Variants in TSHZ3 observed in about 807,000 individuals in gnomAD.
TSHZ3 encodes teashirt homolog 3.
In TSHZ3, 10 loss-of-function variants were observed where a neutral mutation model predicts 64.5. That is an observed-to-expected ratio of 0.16 (90% CI 0.10 to 0.26). The LOEUF is 0.26. Ranked by LOEUF, TSHZ3 falls within the 10% of genes least tolerant of loss-of-function variation. The probability of loss-of-function intolerance (pLI) is 1.00; values close to 1 mark genes in which losing one functional copy is unlikely to be tolerated. For missense variants in TSHZ3, 1,242 were observed against 1,421.7 expected (o/e 0.87, Z 2.03); for synonymous variants, 608 against 593.1 (o/e 1.03, Z -0.36).
chr19:31,314,334 G>A (rs1171375723), intron 1 of TSHZ3, among the ~76,000 whole-genome samples: 1 of 152,202 alleles, frequency 6.6e-6, no homozygotes. Context: ...CGGCAGGGAG[G>A]CATGGTCGGC....
At chr19:31,309,900 C>A (rs2145152704) in intron 1 of TSHZ3, among the ~76,000 whole-genome samples, 1 of 152,204 alleles carries the variant, frequency 6.6e-6, no homozygotes, top group African/African-American at 2.4e-5. Context: ...ATCTGAGTCT[C>A]ATCCTCCACA....
chr19:31,243,012 T>A (rs575389712), intron 1 of TSHZ3, among the ~76,000 whole-genome samples: 3 of 152,266 alleles, frequency 2.0e-5, no homozygotes, highest in African/African-American at 7.2e-5. Flanking sequence ...TCCAATCTCC[T>A]CCAGAAATAC....
intron 1 of TSHZ3, among the ~76,000 whole-genome samples, chr19:31,322,817 C>T (rs1054749063): frequency 2.0e-5 from 3 of 152,250 alleles, no homozygotes; most frequent in East Asian, 3.9e-4. Flanking sequence ...AGTGACAGAA[C>T]GAATGAATGA....
Position 31,279,379 on chromosome 19 carries a change from C to CAGGTTG in TSHZ3, c.408_413dup (p.Asn137_Leu138dup). On this transcript the variant is annotated inframe_insertion, in exon 2 of 2. Coordinates refer to ENST00000240587, the MANE Select transcript of TSHZ3 (RefSeq NM_020856.4). This position sits in a 1 kb window ranked among gnomAD's most constrained non-coding sequence, Gnocchi z 6.4. ...TGTTCTTCTCCGAGGAGGGCTGGTG[C>CAGGTTG]AGGTTGAGGTTGAGGTTGGACCAGT... is the stretch of plus-strand genomic sequence containing the variant. 6.2e-7 allele frequency: 1 copy of CAGGTTG among 1,614,142 alleles called. No individual in the cohort carries two copies.
intron 4 of TSHZ3, among the ~76,000 whole-genome samples, chr19:31,214,243 GGT>G (rs910792037): frequency 2.0e-5 from 3 of 152,180 alleles, no homozygotes; most frequent in Admixed American, 1.3e-4. Flanking sequence ...ACAGGAACTG[GGT>G]CCCAGCCGCA....
At chr19:31,165,346 A>AT (rs1295238829) in intron 5 of TSHZ3, among the ~76,000 whole-genome samples, 4 of 152,184 alleles carry the variant, frequency 2.6e-5, no homozygotes, top group East Asian at 1.9e-4. Context: ...GGTGTGTAGG[A>AT]TTTTTTCCCC....
intron 1 of TSHZ3, among the ~76,000 whole-genome samples, chr19:31,337,720 A>ACAC: frequency 6.9e-6 from 1 of 145,978 alleles, no homozygotes; most frequent in African/African-American, 2.5e-5. Flanking sequence ...TTTCAAAATA[A>ACAC]ACACACACAC....
At chr19:31,152,023 A>G (rs1213549970) in intron 6 of TSHZ3, among the ~76,000 whole-genome samples, 1 of 152,188 alleles carries the variant, frequency 6.6e-6, no homozygotes, top group East Asian at 1.9e-4. Flanking sequence ...CTGTGCATAC[A>G]ATTATCACTT....
At chr19:31,150,425 C>T (rs189252622) in exon 7 of TSHZ3, among the ~76,000 whole-genome samples, 40 of 152,334 alleles carry the variant, frequency 2.6e-4, no homozygotes, top group Admixed American at 1.8e-3. Context: ...ACAACCAGTG[C>T]ATCAAGAAGA....
intron 1 of TSHZ3, among the ~76,000 whole-genome samples, chr19:31,295,740 C>T (rs757533475): frequency 6.6e-6 from 1 of 151,684 alleles, no homozygotes; most frequent in Non-Finnish European, 1.5e-5. Flanking sequence ...CGTATGCTGG[C>T]CTTTTTGTAT....
At position 31,277,553 on chromosome 19, in the gene TSHZ3, A is replaced by C; in HGVS notation, c.2240T>G (p.Met747Arg). 1 of 1,601,644 alleles carries C rather than the reference A, an allele frequency of 6.2e-7. No homozygotes were observed. The highest frequency in any genetic ancestry group is 1.1e-5 in the South Asian group (1 of 89,196). ...GTTGCTCATCTTGAAAAGCATGCTC[A>C]TGGGGTCCAGGGCAGGCAGGGAGGG... ...AKPSLPALDP[M>R]SMLFKMSNSL... is the part of the protein sequence containing the mutation. Residue 747 changes from methionine to arginine, a missense_variant, in exon 2 of 2, where the codon ATG becomes AGG. By Grantham distance (91) the Met-to-Arg change is moderately conservative. Around this residue, in one of 4 missense-constraint regions of TSHZ3, gnomAD observed 550 missense variants for 545.1 expected, o/e 1.01. Coordinates refer to ENST00000240587, the MANE Select transcript of TSHZ3 (RefSeq NM_020856.4). This position sits in a 1 kb window ranked among gnomAD's most constrained non-coding sequence, Gnocchi z 4.5.
intron 5 of TSHZ3, among the ~76,000 whole-genome samples, chr19:31,198,777 C>T (rs1975029910): frequency 6.6e-6 from 1 of 151,960 alleles, no homozygotes; most frequent in African/African-American, 2.4e-5. Flanking sequence ...TAAACTAAAT[C>T]AAGGAAGGAC....
chr19:31,284,209 G>T (rs533443148), intron 1 of TSHZ3, among the ~76,000 whole-genome samples: 4 of 152,012 alleles, frequency 2.6e-5, no homozygotes, highest in East Asian at 3.9e-4. Context: ...GTAGGTGAGT[G>T]GGGGGTCATG....
intron 4 of TSHZ3, among the ~76,000 whole-genome samples, chr19:31,206,136 A>T (rs1975169008): frequency 7.0e-6 from 1 of 143,704 alleles, no homozygotes; most frequent in South Asian, 2.3e-4. Context: ...TGGATAAATG[A>T]ATGGATGGAT....
At position 31,317,064 on chromosome 19, in the gene TSHZ3, C is replaced by T. The variant is rs138721998; in HGVS notation, c.40+32116G>A. Reference sequence around the variant, plus strand: ...AGGAATTACAACAAAGAAAGGACCACGGGAGTTGAAATTTAGTCGCAGGAG... The same window carrying T: ...AGGAATTACAACAAAGAAAGGACCATGGGAGTTGAAATTTAGTCGCAGGAG... On this transcript the variant is annotated intron_variant, in intron 1 of 1. Coordinates refer to ENST00000240587, the MANE Select transcript of TSHZ3 (RefSeq NM_020856.4). 4.6e-5 allele frequency among the ~76,000 whole-genome samples: 7 copies of T among 152,252 alleles called. No individual in the cohort carries two copies. In the East Asian group the frequency reaches 1.4e-3, roughly 29 times the overall value.
chr19:31,242,684 T>G (rs554299494), intron 2 of TSHZ3, among the ~76,000 whole-genome samples: 88 of 149,260 alleles, frequency 5.9e-4, no homozygotes, highest in African/African-American at 2.2e-3. Context: ...GCAGCAGATG[T>G]ATGTCTGAGG....
At chr19:31,218,290 C>A (rs62101211) in intron 4 of TSHZ3, among the ~76,000 whole-genome samples, 152,356 of 152,356 alleles carry the variant, frequency 1, 76,178 homozygotes, top group Non-Finnish European at 1. Flanking sequence ...ATACCTATGT[C>A]ATATGTCCTA....
rs147822622 is a variant in TSHZ3 at position 31,296,936 on chromosome 19, A to G, written c.41-17184T>C. On this transcript the variant is annotated intron_variant, in intron 1 of 1. Coordinates refer to ENST00000240587, the MANE Select transcript of TSHZ3 (RefSeq NM_020856.4). ...CAGCATTCTCAGCATTCTAGGTGAAAGTGTCACCCACAGTGACAACAAACT... is the reference window on the plus strand; with the variant it reads ...CAGCATTCTCAGCATTCTAGGTGAAGGTGTCACCCACAGTGACAACAAACT... 3.2e-4 allele frequency among the ~76,000 whole-genome samples: 48 copies of G among 152,316 alleles called. No homozygotes were observed. In the East Asian group the frequency reaches 9.3e-3, roughly 29 times the overall value.
intron 1 of TSHZ3, among the ~76,000 whole-genome samples, chr19:31,264,908 T>C (rs1047290306): frequency 1.3e-5 from 2 of 152,114 alleles, no homozygotes; most frequent in Admixed American, 1.3e-4. Flanking sequence ...TAGGAAGTCA[T>C]GATCAAAAGG....
Sources: gnomAD v4.1 joint callset for allele counts (sites outside exome capture counted in the v4.1 genomes callset) on GRCh38, gnomAD v4.1.1 for gene constraint, gnomAD v4.1.1 regional missense constraint, Gnocchi (gnomAD v3.1) non-coding constraint, MANE v1.5 for transcripts, NCBI Gene and HGNC (gene_info 2026-07-23, HGNC 2026-07-21) for gene names.